UBE2E2: variants seen among roughly 807,000 people sequenced by gnomAD.
UBE2E2 encodes ubiquitin-conjugating enzyme E2 E2.
UBE2E2 carries 6 observed loss-of-function variants against 24.7 expected under a neutral mutation model. The ratio of observed to expected loss-of-function variants is 0.24; its 90% CI spans 0.13 to 0.48. The LOEUF (loss-of-function observed/expected upper bound fraction) is 0.48, where lower values mean the gene tolerates loss of function less well. Ranked by LOEUF, UBE2E2 falls within the 20% of genes least tolerant of loss-of-function variation. UBE2E2 has a pLI of 0.99. For missense variants in UBE2E2, 169 were observed against 245.0 expected, an observed-to-expected ratio of 0.69 and a Z score of 2.07; for synonymous variants, 104 against 83.6, an observed-to-expected ratio of 1.24 and a Z score of -1.33.
chr3:23,503,676 A>G (rs554912253), intron 4 of UBE2E2, among the ~76,000 whole-genome samples: 2 of 152,016 alleles, frequency 1.3e-5, no homozygotes, highest in African/African-American at 4.8e-5. Flanking sequence ...CAACATGGCA[A>G]AATCCCATCT....
intron 3 of UBE2E2, among the ~76,000 whole-genome samples, chr3:23,310,241 A>G (rs1694338259): frequency 6.6e-6 from 1 of 151,940 alleles, no homozygotes; most frequent in Non-Finnish European, 1.5e-5. Flanking sequence ...AGAGTTACCA[A>G]TTAAGTACCA....
At chr3:23,487,515 A>G (rs1575661949) in intron 3 of UBE2E2, among the ~76,000 whole-genome samples, 1 of 152,148 alleles carries the variant, frequency 6.6e-6, no homozygotes, top group South Asian at 2.1e-4. Flanking sequence ...ACAGTGGCCA[A>G]TCCGGTTGCG....
At chr3:23,311,523 T>C (rs1394324038) in intron 3 of UBE2E2, among the ~76,000 whole-genome samples, 7 of 152,170 alleles carry the variant, frequency 4.6e-5, no homozygotes, top group African/African-American at 1.7e-4. Context: ...TGGAGAACCA[T>C]TAGTGTAATC....
Position 23,577,330 on chromosome 3 carries a change from T to A in UBE2E2, c.509-12404T>A, listed in dbSNP as rs1354276109. On this transcript the variant is annotated intron_variant, in intron 5 of 5. Coordinates refer to ENST00000396703, the MANE Select transcript of UBE2E2 (RefSeq NM_152653.4). ...TACTTTGATGAACACAGGAATGATT[T>A]AAAAAAAAAAAAAAGCAACACACCC... Among the ~76,000 whole-genome samples, 89 of 143,960 alleles carry A rather than the reference T, an allele frequency of 6.2e-4. 1 individual carries two copies. The highest frequency in any genetic ancestry group is 1.1e-3 in the Non-Finnish European group (69 of 65,012). The allele number at this position is 143,960 out of a possible 152,430, so 94.4% of individuals were successfully genotyped here.
chr3:23,556,410 G>A (rs1477839363), intron 5 of UBE2E2, among the ~76,000 whole-genome samples: 1 of 135,084 alleles, frequency 7.4e-6, no homozygotes, highest in East Asian at 2.1e-4. Context: ...CAAAGTGCTG[G>A]GATTACAGGC....
intron 3 of UBE2E2, among the ~76,000 whole-genome samples, chr3:23,255,062 G>C (rs1216819028): frequency 7.0e-6 from 1 of 143,474 alleles, no homozygotes; most frequent in Non-Finnish European, 1.5e-5. Context: ...GCTGAGATCA[G>C]TTTAAGGAGT....
At chr3:23,206,373 G>A (rs1696147008) in intron 1 of UBE2E2, among the ~76,000 whole-genome samples, 1 of 152,160 alleles carries the variant, frequency 6.6e-6, no homozygotes, top group African/African-American at 2.4e-5. Flanking sequence ...AATATGTTAC[G>A]ACTTTTAGAG....
chr3:23,550,034 A>G (rs1178529054), intron 5 of UBE2E2, among the ~76,000 whole-genome samples: 3 of 147,924 alleles, frequency 2.0e-5, no homozygotes, highest in Non-Finnish European at 4.5e-5. Flanking sequence ...CTCCATCTCA[A>G]AAAAAAAAAA....
At chr3:23,324,924 A>G (rs1575561509) in intron 3 of UBE2E2, among the ~76,000 whole-genome samples, 1 of 152,286 alleles carries the variant, frequency 6.6e-6, no homozygotes, top group East Asian at 1.9e-4. Context: ...CACATATGAT[A>G]AAGATTGTGG....
chr3:23,349,879 C>G (rs1227897989), intron 3 of UBE2E2, among the ~76,000 whole-genome samples: 34 of 152,200 alleles, frequency 2.2e-4, no homozygotes, highest in Non-Finnish European at 4.0e-4. Flanking sequence ...TTGAAGAGAG[C>G]AGTGGTTCTC....
At chr3:23,311,477 C>CA (rs1214601628) in intron 3 of UBE2E2, among the ~76,000 whole-genome samples, 1 of 152,152 alleles carries the variant, frequency 6.6e-6, no homozygotes, top group African/African-American at 2.4e-5. Flanking sequence ...AATTAGGAAA[C>CA]AGTGTAGCTC....
At chr3:23,270,832 C>T (rs755892771) in intron 3 of UBE2E2, 3 of 443,462 alleles carry the variant, frequency 6.8e-6, no homozygotes, top group Non-Finnish European at 1.4e-5. Context: ...CTTAGGTGTG[C>T]AATTGTTTTT....
chr3:23,539,574 C>T (rs574010729), intron 5 of UBE2E2, among the ~76,000 whole-genome samples: 2 of 152,286 alleles, frequency 1.3e-5, no homozygotes, highest in Admixed American at 1.3e-4. Context: ...TGTTTCCTTA[C>T]TTCTAACGCA....
At chr3:23,392,933 G>T (rs1360986033) in intron 3 of UBE2E2, among the ~76,000 whole-genome samples, 1 of 152,224 alleles carries the variant, frequency 6.6e-6, no homozygotes, top group East Asian at 1.9e-4. Context: ...GGGCAAGTCA[G>T]AGTGGCTGAG....
intron 3 of UBE2E2, among the ~76,000 whole-genome samples, chr3:23,450,557 A>G (rs1406834391): frequency 6.6e-6 from 1 of 152,136 alleles, no homozygotes; most frequent in African/African-American, 2.4e-5. Context: ...TGATTCTTTA[A>G]AAGTGAGGAA....
intron 3 of UBE2E2, among the ~76,000 whole-genome samples, chr3:23,311,880 A>G (rs1325983593): frequency 6.6e-6 from 1 of 152,152 alleles, no homozygotes; most frequent in Non-Finnish European, 1.5e-5. Flanking sequence ...CAATACAGTT[A>G]TACTCCTTCA....
chr3:23,316,403 C>T (rs1694580628), intron 3 of UBE2E2, among the ~76,000 whole-genome samples: 1 of 151,872 alleles, frequency 6.6e-6, no homozygotes, highest in Non-Finnish European at 1.5e-5. Context: ...TCACCACAGG[C>T]CCACAGGGAG....
chr3:23,481,542 G>A (rs1004232164), intron 3 of UBE2E2, among the ~76,000 whole-genome samples: 1 of 152,202 alleles, frequency 6.6e-6, no homozygotes, highest in East Asian at 1.9e-4. Flanking sequence ...CACAATTAAA[G>A]CTCCCCTAAT....
At chr3:23,434,252 T>C (rs1698132438) in intron 3 of UBE2E2, among the ~76,000 whole-genome samples, 1 of 152,130 alleles carries the variant, frequency 6.6e-6, no homozygotes, top group African/African-American at 2.4e-5. Flanking sequence ...ACTTATTGAA[T>C]GTGGTAGCCA....
Sources: allele counts gnomAD v4.1 joint callset (sites outside exome capture counted in the v4.1 genomes callset), GRCh38; gene constraint gnomAD v4.1.1; transcripts MANE v1.5; gene names NCBI Gene and HGNC (gene_info 2026-07-23, HGNC 2026-07-21).